SSRP1: variants seen among roughly 807,000 people sequenced by gnomAD.
SSRP1 encodes structure specific recognition protein 1.
A neutral mutation model predicts 84.4 loss-of-function variants in SSRP1; 21 were observed. The ratio of observed to expected loss-of-function variants is 0.25; its 90% CI spans 0.18 to 0.36. The LOEUF is 0.36. Ranked by LOEUF, SSRP1 falls within the 10% of genes least tolerant of loss-of-function variation. The pLI is 1.00. For missense variants in SSRP1, 519 were observed against 900.8 expected, an observed-to-expected ratio of 0.58 and a Z score of 5.43; for synonymous variants, 319 against 318.3, an observed-to-expected ratio of 1.00 and a Z score of -0.02.
Position 57,332,898 on chromosome 11 carries a change from C to G in SSRP1, c.538-43G>C, listed in dbSNP as rs1388235533. 1 of 1,597,320 alleles carries G rather than the reference C, an allele frequency of 6.3e-7. No homozygotes were observed. The highest frequency in any genetic ancestry group is 1.3e-5 in the African/African-American group (1 of 74,714). On this transcript the variant is annotated intron_variant, in intron 5 of 16. Transcript: ENST00000278412. This position sits in a 1 kb window ranked among gnomAD's most constrained non-coding sequence, Gnocchi z 5.5. The stretch of plus-strand genomic sequence containing the variant: ...GGTAGCCAAGCAGCAGGCCCTGCTC[C>G]CAGGCCAGCCAATGCCTGCTCAGCA...
rs779731129 is a variant in SSRP1 at position 57,327,546 on chromosome 11, A to G, written c.1783-32T>C. On this transcript the variant is annotated intron_variant, in intron 14 of 16. Coordinates refer to ENST00000278412, the MANE Select transcript of SSRP1 (RefSeq NM_003146.3). ...CACACACAGAAAAAAACAGTTAAGA[A>G]TAAGACCTCTCCCATCTCCCCTCTC... is the stretch of plus-strand genomic sequence containing the variant. 1.7e-5 allele frequency: 28 copies of G among 1,613,250 alleles called. No homozygotes were observed. In the Admixed American group the frequency reaches 3.2e-4, roughly 18 times the overall value.
At position 57,334,302 on chromosome 11, in the gene SSRP1, G is replaced by A. The variant is rs143826349; in HGVS notation, c.240+161C>T. On this transcript the variant is annotated intron_variant, in intron 3 of 16. Coordinates refer to ENST00000278412, the MANE Select transcript of SSRP1 (RefSeq NM_003146.3). ...ACACAGAAATTCACAAGACTTCAAC[G>A]CTCAAAGCCAAACACTGATTGCCTG... Among the ~76,000 whole-genome samples the A allele has an allele frequency of 4.2e-3, 645 of 152,326 alleles. 8 individuals are homozygous for A. The highest frequency in any genetic ancestry group is 0.015 in the African/African-American group (607 of 41,576).
At chr11:57,334,404 A>G (rs878872031) in intron 3 of SSRP1, 59 bp downstream of exon 3, 4 of 1,583,984 alleles carry the variant, frequency 2.5e-6, no homozygotes, top group Non-Finnish European at 3.4e-6. Context: ...TCGAGTCTCT[A>G]GAAGATTAAA....
rs1368760613 is a variant in SSRP1 at position 57,326,791 on chromosome 11, C to A, written c.1970G>T (p.Ser657Ile). Residue 657 changes from serine (S) to isoleucine (I), a missense_variant, in exon 16 of 17, where the codon AGC becomes ATC. Ser to Ile is a moderately radical substitution (Grantham distance 142, BLOSUM62 -2). This residue lies in a region of SSRP1 where 197 missense variants were observed against 265.0 expected (regional missense o/e 0.74). Coordinates refer to ENST00000278412, the MANE Select transcript of SSRP1 (RefSeq NM_003146.3). ...AAACTCTTTGCTCTTGAAGCTCTCG[C>A]TTAGCTGCCTTGAGGACGACTTGGA... ...SSSKSSSRQLSESFKSKEFVS... is the reference protein window; with the variant it reads ...SSSKSSSRQLIESFKSKEFVS... 6.2e-7 allele frequency: 1 copy of A among 1,614,136 alleles called. No homozygotes were observed. Among genetic ancestry groups the A allele is most frequent in the African/African-American group, 1.3e-5 (1 of 74,956 alleles).
At position 57,330,865 on chromosome 11, in the gene SSRP1, C is replaced by G. The variant is rs754541795; in HGVS notation, c.1286G>C (p.Gly429Ala). Residue 429 changes from glycine to alanine, a missense_variant, in exon 10 of 17, where the codon GGA (glycine) becomes GCA (alanine). Around this residue, in one of 7 missense-constraint regions of SSRP1, gnomAD observed 34 missense variants for 34.3 expected, o/e 0.99. Coordinates refer to ENST00000278412, the MANE Select transcript of SSRP1 (RefSeq NM_003146.3). The surrounding 1 kb of genome is among the most constrained non-coding windows in gnomAD (Gnocchi z 4.0). ...NAKKLNIKNR[G>A]LKEGMNPSYD... ...CCCACACAGAAGTACCTCTTTCAATCCTCGGTTTTTGATGTTGAGCTTTTT... is the reference window on the plus strand; with the variant it reads ...CCCACACAGAAGTACCTCTTTCAATGCTCGGTTTTTGATGTTGAGCTTTTT... The G allele has an allele frequency of 1.2e-6, 2 of 1,614,240 alleles. No individual in the cohort carries two copies. The highest frequency in any genetic ancestry group is 3.3e-5 in the Admixed American group (2 of 60,038).
chr11:57,330,814 A>G lies in SSRP1; in HGVS notation c.1296+41T>C, dbSNP rs1856074162. On this transcript the variant is annotated intron_variant, in intron 10 of 16. Transcript: ENST00000278412. This position sits in a 1 kb window ranked among gnomAD's most constrained non-coding sequence, Gnocchi z 4.0. ...ATCTCCACCCCTTTCTCCCCTATAG[A>G]AAGACCAGGAGAGGGTCTCATCCTC... 1 of 1,614,112 alleles carries G rather than the reference A, an allele frequency of 6.2e-7. No individual in the cohort carries two copies. The highest frequency in any genetic ancestry group is 1.1e-5 in the South Asian group (1 of 91,076).
chr11:57,334,504 T>C lies in SSRP1; in HGVS notation c.199A>G (p.Lys67Glu), dbSNP rs1856165536. ...TCATACTTGTAGACATGGCCATTCT[T>C]TGTAAGCAGTTTAAGTCCATGGCCC... ...ALGHGLKLLT[K>E]NGHVYKYDGF... The change falls in exon 3 of 17, where the codon AAG becomes GAG. Residue 67 changes from lysine to glutamate, a missense_variant. By Grantham distance (56) the Lys-to-Glu change is moderately conservative. Coordinates refer to ENST00000278412, the MANE Select transcript of SSRP1 (RefSeq NM_003146.3). 6.2e-7 allele frequency: 1 copy of C among 1,614,092 alleles called. No individual in the cohort carries two copies. The highest frequency in any genetic ancestry group is 8.5e-7 in the Non-Finnish European group (1 of 1,180,042).
Position 57,332,261 on chromosome 11 carries a change from A to AGC in SSRP1, c.890_891dup (p.Phe298AlafsTer22). The AGC allele has an allele frequency of 6.2e-7, 1 of 1,614,030 alleles. No individual in the cohort carries two copies. On this transcript the variant is annotated frameshift_variant, in exon 8 of 17. Transcript: ENST00000278412. LOFTEE classifies it high-confidence loss of function. The surrounding 1 kb of genome is among the most constrained non-coding windows in gnomAD (Gnocchi z 5.5). Reference sequence around the variant, plus strand: ...ATGTTCTTGGTGAGCCGACCCTCAAAGCGCTTCTCCACTTCTTCCCTACAA... The same window carrying AGC: ...ATGTTCTTGGTGAGCCGACCCTCAAAGCGCGCTTCTCCACTTCTTCCCTACAA...
chr11:57,328,315 G>A lies in SSRP1; in HGVS notation c.1593C>T (p.Ser531=), dbSNP rs376553313. 5.0e-6 allele frequency: 8 copies of A among 1,614,074 alleles called. No individual in the cohort carries two copies. The highest frequency in any genetic ancestry group is 5.9e-6 in the Non-Finnish European group (7 of 1,180,030). The change falls in exon 13 of 17, where the codon AGC becomes AGT. Residue 531 remains serine, a synonymous_variant. Transcript: ENST00000278412. ...KKAKMAKDRK[S]RKKPVEVKKG... is the part of the protein sequence containing the mutation. ...TCTGCACCTCCACAGGCTTCTTGCG[G>A]CTCTTGCGGTCCTTGGCCATCTTGG...
chr11:57,328,192 G>A, intron 13 of SSRP1, 105 bp downstream of exon 13: 1 of 1,507,574 alleles, frequency 6.6e-7, no homozygotes, highest in Non-Finnish European at 8.9e-7. Context: ...CAGCCCCAAG[G>A]AAGAACAGGT....
At chr11:57,328,597 G>A in intron 12 of SSRP1, 171 bp from the exon 13 acceptor site, 5 of 952,374 alleles carry the variant, frequency 5.3e-6, no homozygotes, top group Non-Finnish European at 7.5e-6. Flanking sequence ...ATTCACTGTG[G>A]TGGCTTCAGC....
chr11:57,330,576 A>C lies in SSRP1; in HGVS notation c.1297-147T>G, dbSNP rs1454921862. On this transcript the variant is annotated intron_variant, in intron 10 of 16. Coordinates refer to ENST00000278412, the MANE Select transcript of SSRP1 (RefSeq NM_003146.3). This position sits in a 1 kb window ranked among gnomAD's most constrained non-coding sequence, Gnocchi z 4.0. ...GATTGTCCACACACAGCCAACGTGC[A>C]GGGCCTATGCCCAAGTACTTCCTGC... The C allele has an allele frequency of 6.9e-7, 1 of 1,442,322 alleles. No individual in the cohort carries two copies. Among genetic ancestry groups the C allele is most frequent in the African/African-American group, 1.4e-5 (1 of 70,276 alleles). 89.3% of individuals were successfully genotyped at this position (1,442,322 alleles called of 1,614,324 possible). A position where few individuals can be genotyped will look rare whatever the true frequency, so the allele number is the denominator to read the frequency against.
chr11:57,327,681 G>C (rs749740603), intron 14 of SSRP1, 31 bp downstream of exon 14: 1 of 1,610,898 alleles, frequency 6.2e-7, no homozygotes, highest in East Asian at 2.2e-5. Context: ...CAGCCCATGA[G>C]AGGCATCACC....
At chr11:57,328,603 T>G in intron 12 of SSRP1, 177 bp from the exon 13 acceptor site, 2 of 868,588 alleles carry the variant, frequency 2.3e-6, no homozygotes, top group Non-Finnish European at 3.4e-6. Flanking sequence ...TGTGGTGGCT[T>G]CAGCCATGCC....
rs774259376 is a variant in SSRP1, at chr11:57,330,046, G to A, written c.1481+47C>T. 6.2e-7 allele frequency: 1 copy of A among 1,610,876 alleles called. No individual in the cohort carries two copies. The highest frequency in any genetic ancestry group is 1.7e-5 in the Admixed American group (1 of 60,022). ...GTCCAGAAATCTTCTGGTCCCTTAA[G>A]CTTATGGGTCACCATCTTATCCCCA... is the stretch of plus-strand genomic sequence containing the variant. On this transcript the variant is annotated intron_variant, in intron 12 of 16. Transcript: ENST00000278412. This position sits in a 1 kb window ranked among gnomAD's most constrained non-coding sequence, Gnocchi z 4.0.
chr11:57,326,831 A>G lies in SSRP1; in HGVS notation c.1930T>C (p.Ser644Pro). 4 of 1,614,168 alleles carry G rather than the reference A, an allele frequency of 2.5e-6. No individual in the cohort carries two copies. The highest frequency in any genetic ancestry group is 3.4e-6 in the Non-Finnish European group (4 of 1,180,018). Residue 644 changes from serine to proline, a missense_variant, in exon 16 of 17, where the codon TCT becomes CCT. Physicochemically the swap from Ser to Pro is moderately conservative, Grantham distance 74. Coordinates refer to ENST00000278412, the MANE Select transcript of SSRP1 (RefSeq NM_003146.3). ...KVKMEKKSTPSRGSSSKSSSR... is the reference protein window; with the variant it reads ...KVKMEKKSTPPRGSSSKSSSR... ...GACGACTTGGATGATGAGCCCCTAG[A>G]GGGCGTGGATTTCTTTTCCATCTTT...
At chr11:57,327,607 C>T (rs1279481813) in intron 14 of SSRP1, 93 bp from the exon 15 acceptor site, 3 of 1,603,010 alleles carry the variant, frequency 1.9e-6, no homozygotes, top group Non-Finnish European at 2.6e-6. Context: ...GAAAGTCCCA[C>T]CAATGGCTCA....
chr11:57,328,639 G>A, intron 12 of SSRP1: 3 of 570,304 alleles, frequency 5.3e-6, no homozygotes, highest in Non-Finnish European at 8.8e-6. Context: ...CACAGCAATT[G>A]GTTACTTGAT....
chr11:57,334,417 A>G (rs1288485463), intron 3 of SSRP1, 46 bp downstream of exon 3: 2 of 1,594,756 alleles, frequency 1.3e-6, no homozygotes, highest in Non-Finnish European at 1.7e-6. Context: ...AGATTAAAAT[A>G]AGAAGATGCA....
Sources: gnomAD v4.1 joint callset for allele counts (sites outside exome capture counted in the v4.1 genomes callset) on GRCh38, gnomAD v4.1.1 for gene constraint, gnomAD v4.1.1 regional missense constraint, Gnocchi (gnomAD v3.1) non-coding constraint, MANE v1.5 for transcripts, NCBI Gene and HGNC (gene_info 2026-07-23, HGNC 2026-07-21) for gene names.